The following HMGA2 variants were observed in gnomAD, a reference collection of about 807,000 sequenced individuals.
HMGA2 encodes the protein high mobility group protein HMGI-C.
A neutral mutation model predicts 19.1 loss-of-function variants in HMGA2; 8 were observed. That is an observed-to-expected ratio of 0.42 (90% CI 0.25 to 0.76). The LOEUF (loss-of-function observed/expected upper bound fraction) is 0.76, where lower values mean the gene tolerates loss of function less well. Among genes scored for constraint, HMGA2 ranks in the 30% least tolerant of loss-of-function variants. The pLI is 0.28. For synonymous variants in HMGA2, 60 were observed against 48.8 expected, an observed-to-expected ratio of 1.23 and a Z score of -0.96; for missense variants, 109 against 136.3, an observed-to-expected ratio of 0.80 and a Z score of 1.00.
At chr12:65,943,844 G>C (rs1245049568) in intron 3 of HMGA2, among the ~76,000 whole-genome samples, 4 of 152,164 alleles carry the variant, frequency 2.6e-5, no homozygotes, top group Non-Finnish European at 5.9e-5. Flanking sequence ...ACAATGAATG[G>C]AAGTTAAGAC....
At chr12:65,866,974 A>C (rs1377641181) in intron 3 of HMGA2, 2 of 456,632 alleles carry the variant, frequency 4.4e-6, no homozygotes, top group African/African-American at 4.0e-5. Flanking sequence ...AGAGAGATTG[A>C]GAGATTGAAG....
At chr12:65,954,774 C>A (rs1876557542) in intron 4 of HMGA2, 1 of 152,170 alleles carries the variant, frequency 6.6e-6, no homozygotes, top group Non-Finnish European at 1.5e-5. Context: ...TCTTAAAAAT[C>A]TAAAGGGGAA....
rs1485591151 is a variant in HMGA2 at position 65,966,007 on chromosome 12, G to T, written c.*2715G>T. On this transcript the variant is annotated 3_prime_UTR_variant, in exon 5 of 5. Coordinates refer to ENST00000403681, the MANE Select transcript of HMGA2 (RefSeq NM_003483.6). ...GACATTTAACTTTTCTACCATTTCT[G>T]CAAGTTAGGTATGTTTGCAGGAGAA... 4.5e-6 allele frequency: 1 copy of T among 221,022 alleles called. No homozygotes were observed. Among genetic ancestry groups the T allele is most frequent in the Non-Finnish European group, 9.1e-6 (1 of 110,136 alleles). The allele number at this position is 221,022 out of a possible 1,614,324, so 13.7% of individuals were successfully genotyped here. A position where few individuals can be genotyped will look rare whatever the true frequency, so the allele number is the denominator to read the frequency against.
chr12:65,842,894 A>G lies in HMGA2; in HGVS notation c.249+4325A>G, dbSNP rs921678999. 9 of 1,245,294 alleles carry G rather than the reference A, an allele frequency of 7.2e-6. No individual in the cohort carries two copies. In the African/African-American group the frequency reaches 1.4e-4, roughly 19 times the overall value. 77.1% of individuals were successfully genotyped at this position (1,245,294 alleles called of 1,614,324 possible). ...AGTGGGGCTCAGGCTCAAGAATACA[A>G]TGAAGTAATAAAGTTGTTAACCTCA... On this transcript the variant is annotated intron_variant, in intron 3 of 4. Transcript: ENST00000403681.
At chr12:65,947,792 C>G (rs908126157) in intron 3 of HMGA2, among the ~76,000 whole-genome samples, 1 of 152,196 alleles carries the variant, frequency 6.6e-6, no homozygotes, top group Non-Finnish European at 1.5e-5. Flanking sequence ...CCCTCCACAA[C>G]TGATAATGAA....
intron 3 of HMGA2, among the ~76,000 whole-genome samples, chr12:65,885,713 T>C (rs1873629405): frequency 6.6e-6 from 1 of 152,178 alleles, no homozygotes. Flanking sequence ...GTAAAAGTAG[T>C]TTTAAGATAG....
At chr12:65,929,711 C>A (rs1293232086) in intron 3 of HMGA2, among the ~76,000 whole-genome samples, 1 of 152,104 alleles carries the variant, frequency 6.6e-6, no homozygotes, top group African/African-American at 2.4e-5. Context: ...AAGCACCTTA[C>A]ACGAAACACT....
At chr12:65,860,117 A>T (rs1180226554) in intron 3 of HMGA2, 1 of 418,672 alleles carries the variant, frequency 2.4e-6, no homozygotes, top group South Asian at 1.7e-5. Context: ...AAAAGAGAAA[A>T]GGAAAAAGGG....
At chr12:65,864,877 A>G (rs1393706147) in intron 3 of HMGA2, among the ~76,000 whole-genome samples, 1 of 152,138 alleles carries the variant, frequency 6.6e-6, no homozygotes. Flanking sequence ...CTTGAACAAT[A>G]CAGGTTTGAG....
chr12:65,889,810 T>A (rs1873825677), intron 3 of HMGA2, among the ~76,000 whole-genome samples: 1 of 152,232 alleles, frequency 6.6e-6, no homozygotes, highest in Non-Finnish European at 1.5e-5. Flanking sequence ...GCATCTGCTG[T>A]AGGACTCAAT....
intron 3 of HMGA2, among the ~76,000 whole-genome samples, chr12:65,943,026 T>C (rs148418031): frequency 1.8e-3 from 274 of 152,340 alleles, no homozygotes; most frequent in African/African-American, 5.9e-3. Flanking sequence ...ATCTTTTCCA[T>C]ATTTGATGAG....
At chr12:65,845,743 C>T (rs1446372973) in intron 3 of HMGA2, among the ~76,000 whole-genome samples, 1 of 152,174 alleles carries the variant, frequency 6.6e-6, no homozygotes, top group Non-Finnish European at 1.5e-5. Context: ...GGGCAGGTTG[C>T]TTAATTTATC....
chr12:65,882,199 C>T (rs1305814604), intron 3 of HMGA2: 3 of 346,504 alleles, frequency 8.7e-6, no homozygotes, highest in Non-Finnish European at 1.7e-5. Context: ...GGATCATGTG[C>T]TGCTATTTCG....
intron 3 of HMGA2, among the ~76,000 whole-genome samples, chr12:65,888,049 C>T (rs1873733522): frequency 6.6e-6 from 1 of 152,130 alleles, no homozygotes; most frequent in Admixed American, 6.5e-5. Flanking sequence ...CAGACACACA[C>T]AAACCCCCTA....
At chr12:65,905,394 T>C (rs1016931769) in intron 3 of HMGA2, among the ~76,000 whole-genome samples, 3 of 152,210 alleles carry the variant, frequency 2.0e-5, no homozygotes, top group Non-Finnish European at 2.9e-5. Context: ...TGGGATTCCA[T>C]TGTATTTTGA....
chr12:65,869,594 T>G (rs375279378), intron 3 of HMGA2, among the ~76,000 whole-genome samples: 15 of 152,320 alleles, frequency 9.8e-5, no homozygotes, highest in Middle Eastern at 3.4e-3. Context: ...TAAGAAAGAA[T>G]GGTCAAAAAA....
rs1435864304 is a variant in HMGA2 at position 65,949,308 on chromosome 12, T to C, written c.250-2075T>C. Reference sequence around the variant, plus strand: ...AAAAAAAGCTCTAATGATTTTTATATGGAATTTTTAATGTACCAGCAATAA... The same window carrying C: ...AAAAAAAGCTCTAATGATTTTTATACGGAATTTTTAATGTACCAGCAATAA... On this transcript the variant is annotated intron_variant, in intron 3 of 4. Coordinates refer to ENST00000403681, the MANE Select transcript of HMGA2 (RefSeq NM_003483.6). Among the ~76,000 whole-genome samples the C allele has an allele frequency of 5.3e-5, 8 of 152,010 alleles. 2 individuals carry two copies. Among genetic ancestry groups the C allele is most frequent in the Admixed American group, 3.9e-4 (6 of 15,260 alleles).
intron 3 of HMGA2, among the ~76,000 whole-genome samples, chr12:65,855,464 A>T (rs1433303195): frequency 6.7e-6 from 1 of 149,762 alleles, no homozygotes; most frequent in African/African-American, 2.5e-5. Flanking sequence ...TCTCTCACAC[A>T]CACACACACA....
At chr12:65,881,853 T>C in intron 3 of HMGA2, 1 of 702,870 alleles carries the variant, frequency 1.4e-6, no homozygotes, top group Non-Finnish European at 2.6e-6. Context: ...AACTGCACTC[T>C]TTTCCCTTGC....
Sources: allele counts gnomAD v4.1 joint callset (sites outside exome capture counted in the v4.1 genomes callset), GRCh38; gene constraint gnomAD v4.1.1; transcripts MANE v1.5; gene names NCBI Gene and HGNC (gene_info 2026-07-23, HGNC 2026-07-21).